FRMPD1: variants seen among roughly 807,000 people sequenced by gnomAD.
FRMPD1 encodes the protein FERM and PDZ domain-containing protein 1.
Under a neutral mutation model 117.8 loss-of-function variants are expected in FRMPD1, and 76 were observed. The observed-to-expected ratio is 0.65, with a 90% confidence interval of 0.54 to 0.78. FRMPD1 has a LOEUF of 0.78. Ranked by LOEUF, FRMPD1 falls within the 30% of genes least tolerant of loss-of-function variation. The probability of loss-of-function intolerance (pLI) is 0.00; values close to 1 mark genes in which losing one functional copy is unlikely to be tolerated. For missense variants in FRMPD1, 1,786 were observed against 1,964.5 expected (o/e 0.91, Z 1.72); for synonymous variants, 783 against 770.4 (o/e 1.02, Z -0.27).
chr9:37,664,013 TG>T (rs1821077665), intron 1 of FRMPD1, among the ~76,000 whole-genome samples: 1 of 152,224 alleles, frequency 6.6e-6, no homozygotes. Flanking sequence ...TATGAAGGGC[TG>T]ACTCTACTTC....
chr9:37,603,493 G>T, the FRMPD1 span, among the ~76,000 whole-genome samples: 1 of 152,128 alleles, frequency 6.6e-6, no homozygotes, highest in Non-Finnish European at 1.5e-5. Flanking sequence ...ACAATAGTTC[G>T]ACCGCTGTGT....
At chr9:37,678,334 C>T (rs1821604829) in intron 1 of FRMPD1, among the ~76,000 whole-genome samples, 1 of 141,016 alleles carries the variant, frequency 7.1e-6, no homozygotes, top group Non-Finnish European at 1.5e-5. Flanking sequence ...AATCTCGGCT[C>T]ACTGCAACCT....
At chr9:37,648,850 G>A (rs181946447), upstream of FRMPD1, among the ~76,000 whole-genome samples, 9 of 152,260 alleles carry the variant, frequency 5.9e-5, no homozygotes, top group South Asian at 1.0e-3. Context: ...ACATTTAGGC[G>A]ATGTCCAGCA....
In FRMPD1 at chr9:37,654,676, CTG is replaced by C. The variant is rs1438950931; in HGVS notation, c.-5+3584_-5+3585del. Among the ~76,000 whole-genome samples, 3 of 152,330 alleles carry C rather than the reference CTG, an allele frequency of 2.0e-5. No homozygotes were observed. The East Asian group carries it at 5.8e-4, about 29-fold the overall frequency. On this transcript the variant is annotated intron_variant, in intron 1 of 15. Coordinates refer to ENST00000377765, the MANE Select transcript of FRMPD1 (RefSeq NM_014907.3). ...AATTGAGGGTGAGAGAAGGAGGAAA[CTG>C]TTCCAGGCTGAAGGAACAGCAAATG...
Position 37,733,745 on chromosome 9 carries a change from G to A in FRMPD1, c.1138G>A (p.Ala380Thr), listed in dbSNP as rs759363152. 1 of 1,604,576 alleles carries A rather than the reference G, an allele frequency of 6.2e-7. No individual in the cohort carries two copies. The highest frequency in any genetic ancestry group is 8.5e-7 in the Non-Finnish European group (1 of 1,171,438). Residue 380 changes from alanine to threonine, a missense_variant, in exon 12 of 16, where the codon GCC (alanine) becomes ACC (threonine). Ala to Thr is a moderately conservative substitution (Grantham distance 58, BLOSUM62 0). Transcript: ENST00000377765. ...EPRQKQLISA[A>T]QLRLNYLQIL... The stretch of plus-strand genomic sequence containing the variant: ...CTCTATTAAGCAACTTATTTCTGCT[G>A]CCCAGCTACGTTTAAATTATCTACA...
At chr9:37,713,379 G>C (rs1162796643) in intron 5 of FRMPD1, among the ~76,000 whole-genome samples, 1 of 152,146 alleles carries the variant, frequency 6.6e-6, no homozygotes, top group South Asian at 2.1e-4. Flanking sequence ...GGGAGGCTGA[G>C]GGTGGCGGAT....
chr9:37,684,976 A>G (rs910043638), intron 1 of FRMPD1, among the ~76,000 whole-genome samples: 1 of 151,718 alleles, frequency 6.6e-6, no homozygotes, highest in African/African-American at 2.4e-5. Context: ...GCTGGTCTCA[A>G]CTCCTGGGCT....
intron 2 of FRMPD1, among the ~76,000 whole-genome samples, chr9:37,695,500 A>T (rs1194668556): frequency 6.6e-6 from 1 of 152,206 alleles, no homozygotes; most frequent in Non-Finnish European, 1.5e-5. Flanking sequence ...GTCACTGCCC[A>T]TGGAAGACAT....
the FRMPD1 span, among the ~76,000 whole-genome samples, chr9:37,610,361 G>A: frequency 6.6e-6 from 1 of 152,120 alleles, no homozygotes; most frequent in Non-Finnish European, 1.5e-5. Flanking sequence ...TAGCACATAA[G>A]AGACACTCCA....
the FRMPD1 span, among the ~76,000 whole-genome samples, chr9:37,616,941 A>G: frequency 6.6e-6 from 1 of 152,208 alleles, no homozygotes; most frequent in Non-Finnish European, 1.5e-5. Flanking sequence ...GACCCCTCTT[A>G]GACTCAGAAG....
chr9:37,673,386 C>T (rs950930833), intron 1 of FRMPD1, among the ~76,000 whole-genome samples: 6 of 152,248 alleles, frequency 3.9e-5, no homozygotes, highest in Non-Finnish European at 8.8e-5. Flanking sequence ...GGCAGCTCCG[C>T]CCCTGTGGCT....
chr9:37,717,339 A>ATGTGTGTGTGTGTGTGTGTG (rs1202375364), intron 5 of FRMPD1, among the ~76,000 whole-genome samples: 13 of 84,422 alleles, frequency 1.5e-4, no homozygotes, highest in African/African-American at 5.0e-4. Context: ...GTATGTGTAT[A>ATGTGTGTGTGTGTGTGTGTG]TATGTGTGTG....
At chr9:37,663,782 A>G (rs1275800324) in intron 1 of FRMPD1, among the ~76,000 whole-genome samples, 3 of 152,228 alleles carry the variant, frequency 2.0e-5, no homozygotes, top group East Asian at 1.9e-4. Flanking sequence ...ATGTTTGCAT[A>G]TAACCTATGC....
intron 6 of FRMPD1, among the ~76,000 whole-genome samples, chr9:37,722,937 C>T (rs1823462355): frequency 6.6e-6 from 1 of 152,182 alleles, no homozygotes; most frequent in African/African-American, 2.4e-5. Context: ...CTCCAAAACC[C>T]TCTCCTGCTC....
chr9:37,742,769 T>C (rs1824484018), intron 15 of FRMPD1, among the ~76,000 whole-genome samples: 1 of 152,046 alleles, frequency 6.6e-6, no homozygotes, highest in Non-Finnish European at 1.5e-5. Flanking sequence ...CATGGTGGCG[T>C]GCACCTGTAA....
chr9:37,707,619 G>C, intron 3 of FRMPD1, 46 bp downstream of exon 3: 2 of 1,492,218 alleles, frequency 1.3e-6, no homozygotes, highest in Non-Finnish European at 1.9e-6. Context: ...TTTCTTAAGG[G>C]GAAATAGCCC....
Position 37,740,371 on chromosome 9 carries a change from G to A in FRMPD1, c.1843G>A (p.Asp615Asn). Residue 615 changes from aspartate (D) to asparagine (N), a missense_variant, in exon 15 of 16, where the codon GAT becomes AAT. Transcript: ENST00000377765. The surrounding 1 kb of genome is among the most constrained non-coding windows in gnomAD (Gnocchi z 4.2). ...SSESMDALEE[D>N]DLDTCSSSRS... Reference sequence around the variant, plus strand: ...TGAGTCCATGGACGCTCTGGAAGAGGATGACTTAGACACCTGCTCCTCCAG... The same window carrying A: ...TGAGTCCATGGACGCTCTGGAAGAGAATGACTTAGACACCTGCTCCTCCAG... 1 of 1,613,800 alleles carries A rather than the reference G, an allele frequency of 6.2e-7. No homozygotes were observed. Among genetic ancestry groups the A allele is most frequent in the Non-Finnish European group, 8.5e-7 (1 of 1,179,992 alleles).
At position 37,740,975 on chromosome 9, in the gene FRMPD1, G is replaced by A; in HGVS notation, c.2356+91G>A. 1.1e-6 allele frequency: 1 copy of A among 948,008 alleles called. No homozygotes were observed. The highest frequency in any genetic ancestry group is 1.7e-6 in the Non-Finnish European group (1 of 589,224). 58.7% of individuals were successfully genotyped at this position (948,008 alleles called of 1,614,324 possible). The stretch of plus-strand genomic sequence containing the variant: ...GCCTGGGGCCAAGCTTGAGAGGAAG[G>A]CACATGAGTGAAACAGGGTCCCTGT... On this transcript the variant is annotated intron_variant, in intron 15 of 15. Transcript: ENST00000377765. The surrounding 1 kb of genome is among the most constrained non-coding windows in gnomAD (Gnocchi z 4.2).
chr9:37,745,975 T>A lies in FRMPD1; in HGVS notation c.3943T>A (p.Ser1315Thr). 6.2e-7 allele frequency: 1 copy of A among 1,614,198 alleles called. No homozygotes were observed. The highest frequency in any genetic ancestry group is 1.7e-5 in the Admixed American group (1 of 60,028). The change falls in exon 16 of 16, where the codon TCT (serine) becomes ACT (threonine). Residue 1315 changes from serine to threonine, a missense_variant. Transcript: ENST00000377765. ...EVSASLRVAT[S>T]LGFAGMNEMV... is the part of the protein sequence containing the mutation. ...CTCTGCCAGTCTCAGGGTGGCCACA[T>A]CTTTGGGTTTTGCAGGCATGAATGA... is the stretch of plus-strand genomic sequence containing the variant.
Sources: gnomAD v4.1 joint callset for allele counts (sites outside exome capture counted in the v4.1 genomes callset) on GRCh38, gnomAD v4.1.1 for gene constraint, Gnocchi (gnomAD v3.1) non-coding constraint, MANE v1.5 for transcripts, NCBI Gene and HGNC (gene_info 2026-07-23, HGNC 2026-07-21) for gene names.